The following COMMD1 variants were observed in gnomAD, a reference collection of about 807,000 sequenced individuals.
The protein encoded by COMMD1 is COMM domain-containing protein 1.
A neutral mutation model predicts 17.2 loss-of-function variants in COMMD1; 10 were observed. The observed-to-expected ratio is 0.58, with a 90% CI of 0.36 to 0.99. The LOEUF (loss-of-function observed/expected upper bound fraction) is 0.99. Among genes scored for constraint, COMMD1 ranks in the 50% least tolerant of loss-of-function variants. COMMD1 has a pLI of 0.01. For synonymous variants in COMMD1, 97 were observed against 91.6 expected (o/e 1.06, Z -0.34); for missense variants, 270 against 231.8 (o/e 1.17, Z -1.07).
intron 2 of COMMD1, among the ~76,000 whole-genome samples, chr2:62,081,749 A>C (rs1321840083): frequency 1.3e-5 from 2 of 152,136 alleles, no homozygotes; most frequent in Admixed American, 1.3e-4. Flanking sequence ...TTTTTGAATT[A>C]CAGGAATTTA....
At chr2:61,914,557 A>G (rs891592847) in intron 1 of COMMD1, among the ~76,000 whole-genome samples, 2 of 152,060 alleles carry the variant, frequency 1.3e-5, no homozygotes, top group African/African-American at 4.8e-5. Flanking sequence ...TGGGCGACAG[A>G]CGGGACTCTG....
At chr2:62,113,368 A>G (rs2104050989) in intron 2 of COMMD1, among the ~76,000 whole-genome samples, 1 of 152,092 alleles carries the variant, frequency 6.6e-6, no homozygotes, top group Middle Eastern at 3.4e-3. Flanking sequence ...ATATATATAT[A>G]TGTATATGAT....
chr2:62,115,005 T>G (rs1672550639), intron 2 of COMMD1, among the ~76,000 whole-genome samples: 1 of 152,204 alleles, frequency 6.6e-6, no homozygotes, highest in Non-Finnish European at 1.5e-5. Flanking sequence ...TGGCCAACAT[T>G]TTTTAATATT....
At chr2:62,008,545 A>G (rs1362637883) in intron 2 of COMMD1, among the ~76,000 whole-genome samples, 2 of 152,216 alleles carry the variant, frequency 1.3e-5, no homozygotes, top group African/African-American at 4.8e-5. Flanking sequence ...ACCGAGGGGA[A>G]CAGATAACGT....
intron 1 of COMMD1, among the ~76,000 whole-genome samples, chr2:61,996,499 A>AAGAATCATGCT (rs1389438381): frequency 6.6e-6 from 1 of 152,144 alleles, no homozygotes; most frequent in African/African-American, 2.4e-5. Flanking sequence ...CCCTTTCATG[A>AAGAATCATGCT]AAGATTTCTC....
intron 1 of COMMD1, among the ~76,000 whole-genome samples, chr2:61,952,880 ATGTT>A (rs1373625457): frequency 6.6e-6 from 1 of 152,238 alleles, no homozygotes; most frequent in Non-Finnish European, 1.5e-5. Flanking sequence ...TGGAAAGTGT[ATGTT>A]CAACTTTTAA....
chr2:62,098,400 C>T (rs573860185), intron 2 of COMMD1, among the ~76,000 whole-genome samples: 6 of 152,082 alleles, frequency 3.9e-5, no homozygotes, highest in East Asian at 3.9e-4. Context: ...TGTGAGCCAC[C>T]GTGCCTGGCC....
intron 1 of COMMD1, among the ~76,000 whole-genome samples, chr2:61,945,096 A>T (rs141237354): frequency 6.6e-6 from 1 of 152,308 alleles, no homozygotes; most frequent in African/African-American, 2.4e-5. Flanking sequence ...AAACCCAACA[A>T]TATGATTACT....
At chr2:61,889,290 T>G (rs1177508146) in intron 1 of COMMD1, among the ~76,000 whole-genome samples, 4 of 134,766 alleles carry the variant, frequency 3.0e-5, no homozygotes, top group Non-Finnish European at 6.2e-5. Context: ...CACTGCAGCC[T>G]CGACCTCCGG....
At chr2:61,939,420 T>A (rs548240735) in intron 1 of COMMD1, among the ~76,000 whole-genome samples, 1 of 151,324 alleles carries the variant, frequency 6.6e-6, no homozygotes, top group African/African-American at 2.4e-5. Flanking sequence ...GAGCCGAGAT[T>A]GCGCCACTGC....
At position 61,982,774 on chromosome 2, in the gene COMMD1, C is replaced by T. The variant is rs186906348; in HGVS notation, c.181-17927C>T. 8.5e-5 allele frequency among the ~76,000 whole-genome samples: 13 copies of T among 152,218 alleles called. No homozygotes were observed. The East Asian group carries it at 2.3e-3, about 27-fold the overall frequency. On this transcript the variant is annotated intron_variant, in intron 1 of 2. Coordinates refer to ENST00000311832, the MANE Select transcript of COMMD1 (RefSeq NM_152516.4). ...ATTTTATCAAATGTCTTTTCACCAT[C>T]AATTGAAATGATCGTATGGTTTTTA... is the stretch of plus-strand genomic sequence containing the variant.
chr2:62,125,445 G>A (rs1465622874), intron 2 of COMMD1, among the ~76,000 whole-genome samples: 4 of 152,154 alleles, frequency 2.6e-5, no homozygotes. Context: ...GATGACTTGC[G>A]TTGTGATTTG....
chr2:62,105,289 T>C (rs1672299281), intron 2 of COMMD1, among the ~76,000 whole-genome samples: 1 of 152,178 alleles, frequency 6.6e-6, no homozygotes, highest in Admixed American at 6.5e-5. Context: ...AATCCTTGCT[T>C]GTCTGTCACC....
chr2:61,944,228 G>C (rs1000227075), intron 1 of COMMD1, among the ~76,000 whole-genome samples: 1 of 152,106 alleles, frequency 6.6e-6, no homozygotes, highest in Non-Finnish European at 1.5e-5. Flanking sequence ...AAGGCAGGTG[G>C]ATCACTTGAG....
intron 1 of COMMD1, among the ~76,000 whole-genome samples, chr2:61,993,102 T>A (rs10209885): frequency 6.6e-6 from 1 of 152,016 alleles, no homozygotes; most frequent in African/African-American, 2.4e-5. Flanking sequence ...CAAGTAATAG[T>A]CAGCCATGGG....
At chr2:62,066,609 G>T (rs1364288241) in intron 2 of COMMD1, among the ~76,000 whole-genome samples, 1 of 151,798 alleles carries the variant, frequency 6.6e-6, no homozygotes, top group Non-Finnish European at 1.5e-5. Flanking sequence ...CACCATGTTA[G>T]CCAGGATGGT....
intron 2 of COMMD1, among the ~76,000 whole-genome samples, chr2:62,028,258 GTCT>G (rs1463348475): frequency 6.6e-6 from 1 of 152,128 alleles, no homozygotes; most frequent in Non-Finnish European, 1.5e-5. Flanking sequence ...TTGCAGTAAG[GTCT>G]TCTTTTTTCA....
At chr2:61,991,196 T>G (rs1242298794) in intron 1 of COMMD1, among the ~76,000 whole-genome samples, 3 of 152,206 alleles carry the variant, frequency 2.0e-5, no homozygotes, top group Non-Finnish European at 4.4e-5. Context: ...TCTGAGCCCC[T>G]TGCTAATTTG....
intron 1 of COMMD1, among the ~76,000 whole-genome samples, chr2:61,993,242 C>A (rs751545444): frequency 6.6e-6 from 1 of 152,170 alleles, no homozygotes. Context: ...GGGCTTCTAC[C>A]AGCTAGTAGG....
Sources: allele counts gnomAD v4.1 joint callset (sites outside exome capture counted in the v4.1 genomes callset), GRCh38; gene constraint gnomAD v4.1.1; transcripts MANE v1.5; gene names NCBI Gene and HGNC (gene_info 2026-07-23, HGNC 2026-07-21).